The following GRID1 variants were observed in gnomAD, a reference collection of about 807,000 sequenced individuals.
The protein encoded by GRID1 is glutamate receptor ionotropic, delta-1.
Under a neutral mutation model 98.0 loss-of-function variants are expected in GRID1, and 28 were observed. That is an observed-to-expected ratio of 0.29 (90% CI 0.21 to 0.39). The LOEUF is 0.39. Among genes scored for constraint, GRID1 ranks in the 10% least tolerant of loss-of-function variants. GRID1 has a pLI of 1.00. For synonymous variants in GRID1, 553 were observed against 538.5 expected, an observed-to-expected ratio of 1.03 and a Z score of -0.37; for missense variants, 1,111 against 1,340.5, an observed-to-expected ratio of 0.83 and a Z score of 2.67.
chr10:86,147,124 C>T (rs1160425684), intron 3 of GRID1, among the ~76,000 whole-genome samples: 1 of 152,138 alleles, frequency 6.6e-6, no homozygotes, highest in Non-Finnish European at 1.5e-5. Flanking sequence ...AGTCTACTTG[C>T]CCAAGGTCTC....
chr10:85,950,234 TG>T (rs1842103261), intron 4 of GRID1, among the ~76,000 whole-genome samples: 1 of 152,192 alleles, frequency 6.6e-6, no homozygotes, highest in African/African-American at 2.4e-5. Context: ...CCCAGAGCAG[TG>T]CACCTGGAGT....
intron 13 of GRID1, among the ~76,000 whole-genome samples, chr10:85,624,055 T>C (rs2132526410): frequency 6.6e-6 from 1 of 152,318 alleles, no homozygotes; most frequent in South Asian, 2.1e-4. Context: ...TCCTTCTTCC[T>C]GTATCTCCCA....
At chr10:86,210,893 T>G (rs892180849) in intron 2 of GRID1, among the ~76,000 whole-genome samples, 10 of 152,228 alleles carry the variant, frequency 6.6e-5, no homozygotes, top group African/African-American at 2.4e-4. Context: ...TGATGGGATG[T>G]TACACAATGC....
At chr10:85,757,918 A>G (rs1298786619) in intron 8 of GRID1, among the ~76,000 whole-genome samples, 12 of 152,212 alleles carry the variant, frequency 7.9e-5, no homozygotes, top group Admixed American at 7.8e-4. Flanking sequence ...GGGAAGTGTA[A>G]GCTCCAACCA....
At chr10:85,962,722 T>C (rs1029501647) in intron 4 of GRID1, among the ~76,000 whole-genome samples, 1 of 152,158 alleles carries the variant, frequency 6.6e-6, no homozygotes, top group Non-Finnish European at 1.5e-5. Flanking sequence ...AACACTCTGC[T>C]CAGGTTTGGG....
At chr10:86,079,744 T>A (rs1361321202) in intron 4 of GRID1, among the ~76,000 whole-genome samples, 1 of 152,082 alleles carries the variant, frequency 6.6e-6, no homozygotes, top group Non-Finnish European at 1.5e-5. Context: ...ATCAAACGAG[T>A]TAATGGGTGC....
At chr10:85,882,336 T>C (rs533853737) in intron 5 of GRID1, among the ~76,000 whole-genome samples, 16 of 150,338 alleles carry the variant, frequency 1.1e-4, no homozygotes, top group East Asian at 1.9e-4. Context: ...ATGTTTATTT[T>C]GGCACTATTC....
chr10:85,988,980 G>A (rs961442299), intron 4 of GRID1, among the ~76,000 whole-genome samples: 3 of 152,214 alleles, frequency 2.0e-5, no homozygotes, highest in African/African-American at 7.2e-5. Context: ...ACAGGGAGCA[G>A]GAGGAAAATG....
At chr10:85,654,575 G>T (rs1840872093) in intron 12 of GRID1, among the ~76,000 whole-genome samples, 1 of 152,158 alleles carries the variant, frequency 6.6e-6, no homozygotes, top group African/African-American at 2.4e-5. Context: ...TCCTGGGTTA[G>T]CCTCCCATCA....
chr10:86,277,486 C>A (rs1847289984), intron 2 of GRID1, among the ~76,000 whole-genome samples: 1 of 152,130 alleles, frequency 6.6e-6, no homozygotes, highest in African/African-American at 2.4e-5. Flanking sequence ...ATTTAAAAAA[C>A]ACATGCATTT....
Position 86,256,869 on chromosome 10 carries a change from T to G in GRID1, c.236-50221A>C, listed in dbSNP as rs116923284. 4.0e-3 allele frequency among the ~76,000 whole-genome samples: 608 copies of G among 152,330 alleles called. 4 individuals are homozygous for G. Among genetic ancestry groups the G allele is most frequent in the Non-Finnish European group, 6.6e-3 (447 of 68,020 alleles). On this transcript the variant is annotated intron_variant, in intron 2 of 15. Coordinates refer to ENST00000327946, the MANE Select transcript of GRID1 (RefSeq NM_017551.3). The stretch of plus-strand genomic sequence containing the variant: ...GGGAAGCATCAGCAGATCAGAGGGC[T>G]GAGCTGGGCCTGGGTTTACAGTAGC...
At chr10:85,678,357 C>T (rs1372832104) in intron 12 of GRID1, among the ~76,000 whole-genome samples, 1 of 152,160 alleles carries the variant, frequency 6.6e-6, no homozygotes, top group African/African-American at 2.4e-5. Flanking sequence ...CTAATCTCTC[C>T]TCCACCGGCC....
intron 4 of GRID1, among the ~76,000 whole-genome samples, chr10:85,940,794 T>C (rs760619595): frequency 6.6e-6 from 1 of 152,126 alleles, no homozygotes; most frequent in Non-Finnish European, 1.5e-5. Context: ...GACAACTGGG[T>C]TCAGTGGCAT....
intron 6 of GRID1, among the ~76,000 whole-genome samples, chr10:85,856,467 G>A (rs1481916041): frequency 6.6e-6 from 1 of 152,190 alleles, no homozygotes; most frequent in African/African-American, 2.4e-5. Context: ...ATTGAGATGT[G>A]CACACAGGTA....
intron 4 of GRID1, among the ~76,000 whole-genome samples, chr10:85,997,326 G>C (rs1389756394): frequency 6.6e-6 from 1 of 151,986 alleles, no homozygotes; most frequent in Non-Finnish European, 1.5e-5. Flanking sequence ...TTGAACCTGG[G>C]AGGTGGAGGT....
chr10:85,817,746 G>T (rs1842728672), intron 8 of GRID1, among the ~76,000 whole-genome samples: 1 of 151,936 alleles, frequency 6.6e-6, no homozygotes. Flanking sequence ...ACAAAAATTA[G>T]CCAGGAGTGT....
At chr10:86,193,289 A>G (rs1364997122) in intron 3 of GRID1, among the ~76,000 whole-genome samples, 1 of 152,070 alleles carries the variant, frequency 6.6e-6, no homozygotes, top group Non-Finnish European at 1.5e-5. Context: ...GAGTTACTAT[A>G]AAGACCAATA....
chr10:86,008,869 C>T (rs1435589973), intron 4 of GRID1, among the ~76,000 whole-genome samples: 1 of 152,120 alleles, frequency 6.6e-6, no homozygotes, highest in Non-Finnish European at 1.5e-5. Context: ...TCCAGCGCCA[C>T]TCCAAGAGAA....
At chr10:86,077,435 C>A (rs919716473) in intron 4 of GRID1, among the ~76,000 whole-genome samples, 4 of 152,164 alleles carry the variant, frequency 2.6e-5, no homozygotes, top group Non-Finnish European at 4.4e-5. Flanking sequence ...GCAACCACAC[C>A]TTTGCACACC....
Sources: gnomAD v4.1 joint callset for allele counts (sites outside exome capture counted in the v4.1 genomes callset) on GRCh38, gnomAD v4.1.1 for gene constraint, MANE v1.5 for transcripts, NCBI Gene and HGNC (gene_info 2026-07-23, HGNC 2026-07-21) for gene names.